GRID1: variants seen among roughly 807,000 people sequenced by gnomAD.
The protein encoded by GRID1 is glutamate receptor ionotropic, delta-1.
In GRID1, 28 loss-of-function variants were observed where a neutral mutation model predicts 98.0. The ratio of observed to expected loss-of-function variants is 0.29; its 90% CI spans 0.21 to 0.39. The LOEUF is 0.39. Ranked by LOEUF, GRID1 falls within the 10% of genes least tolerant of loss-of-function variation. GRID1 has a pLI of 1.00. For synonymous variants in GRID1, 553 were observed against 538.5 expected (o/e 1.03, Z -0.37); for missense variants, 1,111 against 1,340.5 (o/e 0.83, Z 2.67).
intron 4 of GRID1, among the ~76,000 whole-genome samples, chr10:85,938,873 C>T (rs748469626): frequency 1.5e-4 from 23 of 152,018 alleles, no homozygotes; most frequent in Non-Finnish European, 2.8e-4. Flanking sequence ...CATATTCAAC[C>T]GAAAAAAGTC....
At position 85,825,116 on chromosome 10, in the gene GRID1, A is replaced by C. The variant is rs528490235; in HGVS notation, c.1233+29380T>G. 3.9e-5 allele frequency among the ~76,000 whole-genome samples: 6 copies of C among 152,356 alleles called. No homozygotes were observed. The East Asian group carries it at 1.2e-3, about 29-fold the overall frequency. On this transcript the variant is annotated intron_variant, in intron 8 of 15. Coordinates refer to ENST00000327946, the MANE Select transcript of GRID1 (RefSeq NM_017551.3). ...ACTTTTAGTTTTTTGAGAAATGCCCATATTGTTTTCCATATAGGTTGTACT... is the reference window on the plus strand; with the variant it reads ...ACTTTTAGTTTTTTGAGAAATGCCCCTATTGTTTTCCATATAGGTTGTACT...
intron 12 of GRID1, among the ~76,000 whole-genome samples, chr10:85,696,388 A>G (rs1841394141): frequency 6.6e-6 from 1 of 152,058 alleles, no homozygotes; most frequent in Admixed American, 6.6e-5. Flanking sequence ...AGGATGAGTG[A>G]AATTGGCTAG....
intron 8 of GRID1, among the ~76,000 whole-genome samples, chr10:85,730,764 C>G (rs1564572906): frequency 6.6e-6 from 1 of 152,146 alleles, no homozygotes; most frequent in Non-Finnish European, 1.5e-5. Context: ...GATGCTCAAA[C>G]TATGATATCC....
intron 3 of GRID1, among the ~76,000 whole-genome samples, chr10:86,181,199 G>T: frequency 6.6e-6 from 1 of 152,186 alleles, no homozygotes; most frequent in Non-Finnish European, 1.5e-5. Context: ...GGTGAACTTG[G>T]TTAGCTGCAC....
chr10:86,069,515 G>T (rs1843769510), intron 4 of GRID1, among the ~76,000 whole-genome samples: 1 of 152,162 alleles, frequency 6.6e-6, no homozygotes, highest in Non-Finnish European at 1.5e-5. Flanking sequence ...CGGTGTGGTG[G>T]CGGGTGCCTG....
At chr10:85,891,910 T>A (rs1841206496) in intron 5 of GRID1, among the ~76,000 whole-genome samples, 1 of 151,680 alleles carries the variant, frequency 6.6e-6, no homozygotes, top group Non-Finnish European at 1.5e-5. Flanking sequence ...CCTCAATCAA[T>A]CAATAGAAAC....
chr10:85,724,515 C>G lies in GRID1; in HGVS notation c.1695G>C (p.Val565=), dbSNP rs779794486. 2 of 1,614,002 alleles carry G rather than the reference C, an allele frequency of 1.2e-6. No homozygotes were observed. Among genetic ancestry groups the G allele is most frequent in the Admixed American group, 1.7e-5 (1 of 60,008 alleles). ...GGATGGCTGCTGCAATGCAGGCCCA[C>G]ACAGCGAAATCAAATGGAGCAAAGA... The part of the protein sequence containing the change: ...FSLFAPFDFA[V]WACIAAAIPV... Residue 565 remains valine (V), a synonymous_variant, in exon 11 of 16, where the codon GTG becomes GTC. Transcript: ENST00000327946.
Position 85,979,297 on chromosome 10 carries a change from T to A in GRID1, c.727-63058A>T, listed in dbSNP as rs2131860115. ...CCAGTGGGACCCAAGAGTGGTGAGG[T>A]CTTGGAGGTCCCCAAGTTTTCTATA... is the stretch of plus-strand genomic sequence containing the variant. On this transcript the variant is annotated intron_variant, in intron 4 of 15. Transcript: ENST00000327946. 1.3e-5 allele frequency among the ~76,000 whole-genome samples: 2 copies of A among 152,236 alleles called. 1 individual carries two copies. Among genetic ancestry groups the A allele is most frequent in the Admixed American group, 1.3e-4 (2 of 15,300 alleles).
chr10:86,273,117 G>A (rs971189093), intron 2 of GRID1, among the ~76,000 whole-genome samples: 1 of 149,860 alleles, frequency 6.7e-6, no homozygotes, highest in African/African-American at 2.5e-5. Flanking sequence ...CTCTGTCCAT[G>A]TGTTCTCATT....
intron 2 of GRID1, among the ~76,000 whole-genome samples, chr10:86,313,300 A>G (rs1847856639): frequency 6.6e-6 from 1 of 152,236 alleles, no homozygotes; most frequent in African/African-American, 2.4e-5. Flanking sequence ...CCTCACACAT[A>G]TCTTCTCAGG....
intron 3 of GRID1, among the ~76,000 whole-genome samples, chr10:86,183,522 G>T (rs567552726): frequency 6.6e-6 from 1 of 152,182 alleles, no homozygotes; most frequent in African/African-American, 2.4e-5. Context: ...ACCATACCCC[G>T]CTGATTTTGT....
chr10:85,815,954 G>A (rs1358891634), intron 8 of GRID1, among the ~76,000 whole-genome samples: 3 of 151,594 alleles, frequency 2.0e-5, no homozygotes, highest in African/African-American at 4.8e-5. Flanking sequence ...ACCTCAATTA[G>A]GTACTACTAT....
intron 2 of GRID1, among the ~76,000 whole-genome samples, chr10:86,249,884 A>G (rs1028464595): frequency 1.3e-5 from 2 of 152,156 alleles, no homozygotes; most frequent in African/African-American, 4.8e-5. Context: ...AAATGGATGG[A>G]TGGTGGAAGG....
chr10:86,101,844 G>C (rs1210174467), intron 4 of GRID1, among the ~76,000 whole-genome samples: 1 of 151,984 alleles, frequency 6.6e-6, no homozygotes, highest in Non-Finnish European at 1.5e-5. Flanking sequence ...TGTAGAGACA[G>C]AGTCTCATTA....
chr10:85,914,839 T>C (rs991475689), intron 5 of GRID1, among the ~76,000 whole-genome samples: 1 of 152,182 alleles, frequency 6.6e-6, no homozygotes, highest in African/African-American at 2.4e-5. Context: ...CTGAAGGCCA[T>C]AGCCATGATG....
intron 4 of GRID1, among the ~76,000 whole-genome samples, chr10:86,097,723 T>C (rs1164687857): frequency 2.0e-5 from 3 of 152,184 alleles, no homozygotes; most frequent in African/African-American, 2.4e-5. Context: ...TATGACACCA[T>C]GTATGTGGGA....
At chr10:86,263,827 G>C (rs775316134) in intron 2 of GRID1, among the ~76,000 whole-genome samples, 14 of 152,210 alleles carry the variant, frequency 9.2e-5, no homozygotes, top group African/African-American at 3.1e-4. Context: ...CTAGACCACT[G>C]GGTTTCCCCA....
intron 2 of GRID1, among the ~76,000 whole-genome samples, chr10:86,210,481 T>C (rs1187157229): frequency 1.3e-5 from 2 of 152,250 alleles, no homozygotes; most frequent in African/African-American, 2.4e-5. Context: ...TGCCTCACAG[T>C]GCACAAGATG....
At chr10:86,018,356 G>A (rs141542750) in intron 4 of GRID1, among the ~76,000 whole-genome samples, 1 of 152,360 alleles carries the variant, frequency 6.6e-6, no homozygotes, top group East Asian at 1.9e-4. Flanking sequence ...TGTGAGGAAA[G>A]CAGACTGGCT....
Sources: allele counts gnomAD v4.1 joint callset (sites outside exome capture counted in the v4.1 genomes callset), GRCh38; gene constraint gnomAD v4.1.1; transcripts MANE v1.5; gene names NCBI Gene and HGNC (gene_info 2026-07-23, HGNC 2026-07-21).